TMEM260: variants seen among roughly 807,000 people sequenced by gnomAD.
TMEM260 encodes the protein protein O-mannosyl-transferase TMEM260.
TMEM260 carries 82 observed loss-of-function variants against 88.9 expected under a neutral mutation model. The ratio of observed to expected loss-of-function variants is 0.92; its 90% CI spans 0.77 to 1.11. The LOEUF is 1.11. TMEM260 is among the 50% of genes least tolerant of loss of function. TMEM260 has a pLI of 0.00. For missense variants in TMEM260, 902 were observed against 853.4 expected (o/e 1.06, Z -0.71); for synonymous variants, 314 against 309.3 (o/e 1.02, Z -0.16).
At chr14:56,607,791 C>A (rs1226401575) in intron 5 of TMEM260, among the ~76,000 whole-genome samples, 3 of 151,976 alleles carry the variant, frequency 2.0e-5, no homozygotes, top group African/African-American at 7.3e-5. Flanking sequence ...TGGGGTGAGG[C>A]CCAGACATCA....
the TMEM260 span, among the ~76,000 whole-genome samples, chr14:56,662,580 T>C: frequency 6.6e-6 from 1 of 152,132 alleles, no homozygotes; most frequent in Admixed American, 6.5e-5. Context: ...TCCACACAAA[T>C]TAAATGGCTT....
chr14:56,636,379 A>C, intron 14 of TMEM260, 129 bp from the exon 15 acceptor site: 1 of 705,040 alleles, frequency 1.4e-6, no homozygotes, highest in Non-Finnish European at 2.5e-6. Flanking sequence ...TGAATATGAG[A>C]GAATTGAAAA....
chr14:56,642,748 T>C (rs1889691031), intron 15 of TMEM260, among the ~76,000 whole-genome samples: 1 of 152,042 alleles, frequency 6.6e-6, no homozygotes, highest in South Asian at 2.1e-4. Flanking sequence ...ATCAACAAAA[T>C]TGATAGACCA....
At chr14:56,592,690 A>G (rs1885940001) in intron 3 of TMEM260, among the ~76,000 whole-genome samples, 1 of 152,222 alleles carries the variant, frequency 6.6e-6, no homozygotes. Flanking sequence ...CTCCTTTATC[A>G]TACTTCTTCC....
intron 7 of TMEM260, 48 bp downstream of exon 7, chr14:56,612,333 T>G (rs746502813): frequency 6.7e-7 from 1 of 1,494,192 alleles, no homozygotes; most frequent in South Asian, 1.1e-5. Flanking sequence ...TCTCTATTAG[T>G]TCCTTTAAGT....
chr14:56,600,685 T>A (rs1055307762), intron 3 of TMEM260, among the ~76,000 whole-genome samples: 5 of 152,130 alleles, frequency 3.3e-5, no homozygotes, highest in Non-Finnish European at 5.9e-5. Context: ...TAGTACGTGC[T>A]CACTAGGATG....
At chr14:56,638,886 C>T (rs1244258638) in intron 15 of TMEM260, among the ~76,000 whole-genome samples, 1 of 152,084 alleles carries the variant, frequency 6.6e-6, no homozygotes, top group Non-Finnish European at 1.5e-5. Flanking sequence ...ACTAATATCA[C>T]AGCAACACAT....
In TMEM260 at chr14:56,612,631, G is replaced by A. The variant is rs538420371; in HGVS notation, c.857+346G>A. The A allele has an allele frequency of 1.1e-4, 23 of 204,602 alleles. No homozygotes were observed. The East Asian group carries it at 2.8e-3, about 25-fold the overall frequency. The allele number at this position is 204,602 out of a possible 1,614,324, so 12.7% of individuals were successfully genotyped here. A position where few individuals can be genotyped will look rare whatever the true frequency, so the allele number is the denominator to read the frequency against. ...ATGCTATGTAAATAGTTGTTATGCT[G>A]TATTGTCTAGGGAATTATGACAAGA... On this transcript the variant is annotated intron_variant, in intron 7 of 15. Transcript: ENST00000261556.
Position 56,580,026 on chromosome 14 carries a change from G to C in TMEM260, c.112G>C (p.Ala38Pro). The C allele has an allele frequency of 8.0e-7, 1 of 1,249,920 alleles. No individual in the cohort carries two copies. Among genetic ancestry groups the C allele is most frequent in the Non-Finnish European group, 1.0e-6 (1 of 989,892 alleles). The allele number at this position is 1,249,920 out of a possible 1,614,324, so 77.4% of individuals were successfully genotyped here. A position where few individuals can be genotyped will look rare whatever the true frequency, so the allele number is the denominator to read the frequency against. The part of the protein sequence containing the change: ...GGVAVFAAVA[A>P]VFTFTLPPSV... ...CGTGGCGGTGTTCGCCGCCGTGGCC[G>C]CAGTGTTCACCTTCACCCTGCCCCC... The change falls in exon 1 of 16, where the codon GCA becomes CCA. Residue 38 changes from alanine to proline, a missense_variant. Ala to Pro is a conservative substitution (Grantham distance 27). Coordinates refer to ENST00000261556, the MANE Select transcript of TMEM260 (RefSeq NM_017799.4).
chr14:56,583,027 CTTAATG>C (rs1163283177), intron 1 of TMEM260, among the ~76,000 whole-genome samples: 1 of 152,042 alleles, frequency 6.6e-6, no homozygotes, highest in Non-Finnish European at 1.5e-5. Context: ...GCCTATTTTT[CTTAATG>C]TTAAATGTAA....
At chr14:56,642,481 C>A (rs1324659228) in intron 15 of TMEM260, among the ~76,000 whole-genome samples, 1 of 152,158 alleles carries the variant, frequency 6.6e-6, no homozygotes, top group East Asian at 1.9e-4. Flanking sequence ...ACACAACATA[C>A]CAGAATCTCT....
In TMEM260 at chr14:56,592,129, T is replaced by A. The variant is rs190211840; in HGVS notation, c.344+6217T>A. Among the ~76,000 whole-genome samples the A allele has an allele frequency of 1.8e-3, 281 of 152,292 alleles. 2 individuals are homozygous for A. Among genetic ancestry groups the A allele is most frequent in the African/African-American group, 6.6e-3 (276 of 41,564 alleles). Reference sequence around the variant, plus strand: ...TAGCTGAAAATTCTGGGTAAAACAGTTCTCCTTTTGATCAAACCTCATGAA... The same window carrying A: ...TAGCTGAAAATTCTGGGTAAAACAGATCTCCTTTTGATCAAACCTCATGAA... On this transcript the variant is annotated intron_variant, in intron 3 of 15. Coordinates refer to ENST00000261556, the MANE Select transcript of TMEM260 (RefSeq NM_017799.4).
At chr14:56,583,143 G>A (rs990050834) in intron 1 of TMEM260, among the ~76,000 whole-genome samples, 1 of 152,112 alleles carries the variant, frequency 6.6e-6, no homozygotes, top group Non-Finnish European at 1.5e-5. Context: ...CAAAAAAATC[G>A]AAAATAGTTT....
intron 11 of TMEM260, 138 bp downstream of exon 11, chr14:56,621,840 TGTTAG>T: frequency 1.6e-6 from 1 of 622,606 alleles, no homozygotes; most frequent in Non-Finnish European, 2.5e-6. Context: ...ACATTCTACA[TGTTAG>T]GTAGAATATA....
intron 10 of TMEM260, among the ~76,000 whole-genome samples, chr14:56,621,252 G>GA (rs147003574): frequency 1.3e-5 from 2 of 151,874 alleles, no homozygotes; most frequent in Non-Finnish European, 2.9e-5. Context: ...CACTTAGGGG[G>GA]AAAAAAGGAC....
chr14:56,642,104 CAG>C (rs1284224670), intron 15 of TMEM260, among the ~76,000 whole-genome samples: 2 of 152,268 alleles, frequency 1.3e-5, no homozygotes, highest in Middle Eastern at 3.4e-3. Context: ...ATCCATGAGA[CAG>C]AAAGTTAACA....
chr14:56,579,683 C>G (rs1258624934), upstream of TMEM260: 1 of 395,170 alleles, frequency 2.5e-6, no homozygotes, highest in Non-Finnish European at 4.4e-6. Flanking sequence ...AGTAGGTGAA[C>G]GCCAATGCGT....
rs200187733 is a variant in TMEM260, at chr14:56,610,964, TTTC to T, written c.817-1278_817-1276del. On this transcript the variant is annotated intron_variant, in intron 6 of 15. Transcript: ENST00000261556. ...AAATATTCTTTTCTTTCTTTCTTTC[TTTC>T]TTTTTTTTTTTTTTTTTGAGACAGA... Among the ~76,000 whole-genome samples, 74 of 140,046 alleles carry T rather than the reference TTTC, an allele frequency of 5.3e-4. No individual in the cohort carries two copies. The East Asian group carries it at 0.012, about 22-fold the overall frequency. The allele number at this position is 140,046 out of a possible 152,430, so 91.9% of individuals were successfully genotyped here. A position where few individuals can be genotyped will look rare whatever the true frequency, so the allele number is the denominator to read the frequency against.
At chr14:56,633,345 C>G in intron 13 of TMEM260, 174 bp downstream of exon 13, 1 of 520,876 alleles carries the variant, frequency 1.9e-6, no homozygotes, top group Non-Finnish European at 3.3e-6. Flanking sequence ...CCTTCTCGTT[C>G]TCCTACTTAC....
Sources: allele counts gnomAD v4.1 joint callset (sites outside exome capture counted in the v4.1 genomes callset), GRCh38; gene constraint gnomAD v4.1.1; transcripts MANE v1.5; gene names NCBI Gene and HGNC (gene_info 2026-07-23, HGNC 2026-07-21).